Variants in FCHO2 observed in about 807,000 individuals in gnomAD.
FCHO2 encodes FCH and mu domain containing endocytic adaptor 2.
FCHO2 carries 43 observed loss-of-function variants against 114.1 expected under a neutral mutation model. The ratio of observed to expected loss-of-function variants is 0.38; its 90% CI spans 0.30 to 0.49. FCHO2 has a LOEUF of 0.49. FCHO2 is among the 20% of genes least tolerant of loss of function. The pLI is 0.97. For synonymous variants in FCHO2, 293 were observed against 315.2 expected (o/e 0.93, Z 0.75); for missense variants, 807 against 950.4 (o/e 0.85, Z 1.98).
chr5:73,024,463 G>A (rs1326875733), intron 8 of FCHO2, among the ~76,000 whole-genome samples: 3 of 151,068 alleles, frequency 2.0e-5, no homozygotes, highest in East Asian at 1.9e-4. Context: ...TTTTGGAGTC[G>A]GAGTCTCGCT....
rs181011804 is a variant in FCHO2 at position 72,986,487 on chromosome 5, C to T, written c.126-2940C>T. Reference sequence around the variant, plus strand: ...GGATACCCCCAAGGAAGAAGCTGCCCGACATACCTGACTGACTTGTCTGGA... The same window carrying T: ...GGATACCCCCAAGGAAGAAGCTGCCTGACATACCTGACTGACTTGTCTGGA... On this transcript the variant is annotated intron_variant, in intron 2 of 25. Transcript: ENST00000430046. Among the ~76,000 whole-genome samples the T allele has an allele frequency of 1.7e-3, 252 of 152,270 alleles. 1 individual carries two copies. The highest frequency in any genetic ancestry group is 5.9e-3 in the African/African-American group (245 of 41,572).
At chr5:73,060,636 G>A (rs375744517) in intron 17 of FCHO2, among the ~76,000 whole-genome samples, 30 of 152,002 alleles carry the variant, frequency 2.0e-4, no homozygotes, top group African/African-American at 6.5e-4. Context: ...TTTTAGCAAG[G>A]TCCAGGTTGT....
rs202185762 is a variant in FCHO2 at position 73,017,169 on chromosome 5, GAA to G, written c.700-42_700-41del. On this transcript the variant is annotated intron_variant, in intron 7 of 25. Transcript: ENST00000430046. ...GTAAGTTTTATCTGAAATACACTAA[GAA>G]TGTGGAAAAAGAAAAAGTTATCTTT... 13 of 1,135,132 alleles carry G rather than the reference GAA, an allele frequency of 1.1e-5. No homozygotes were observed. In the East Asian group the frequency reaches 3.3e-4, roughly 29 times the overall value. The allele number at this position is 1,135,132 out of a possible 1,614,324, so 70.3% of individuals were successfully genotyped here.
intron 5 of FCHO2, among the ~76,000 whole-genome samples, chr5:73,003,961 G>A (rs1442556515): frequency 6.7e-6 from 1 of 150,056 alleles, no homozygotes. Flanking sequence ...GGCAGGAGAA[G>A]CGCTTGAATC....
At chr5:73,057,646 A>G (rs1009048259) in intron 16 of FCHO2, among the ~76,000 whole-genome samples, 3 of 152,170 alleles carry the variant, frequency 2.0e-5, no homozygotes, top group Admixed American at 2.0e-4. Context: ...GAAAATAAGT[A>G]TGGCCTTATA....
intron 17 of FCHO2, among the ~76,000 whole-genome samples, chr5:73,058,795 G>T (rs1757718672): frequency 6.6e-6 from 1 of 151,996 alleles, no homozygotes; most frequent in Non-Finnish European, 1.5e-5. Context: ...AATTCTTAGT[G>T]TTTATAGATA....
intron 1 of FCHO2, among the ~76,000 whole-genome samples, chr5:72,962,870 C>G (rs1290748783): frequency 6.7e-6 from 1 of 150,208 alleles, no homozygotes; most frequent in African/African-American, 2.5e-5. Context: ...TCCAGTTGGG[C>G]GACAGAGCAA....
chr5:72,957,293 A>G (rs1357163292), intron 1 of FCHO2, among the ~76,000 whole-genome samples: 1 of 152,206 alleles, frequency 6.6e-6, no homozygotes, highest in Non-Finnish European at 1.5e-5. Context: ...TCATATGTTC[A>G]TAGAGTTGTG....
At chr5:73,033,798 G>A (rs940686167) in intron 8 of FCHO2, among the ~76,000 whole-genome samples, 24 of 152,048 alleles carry the variant, frequency 1.6e-4, no homozygotes, top group Admixed American at 1.4e-3. Flanking sequence ...TTCTCACACT[G>A]CCAAATAATT....
chr5:73,011,523 A>T (rs191778450), intron 6 of FCHO2, among the ~76,000 whole-genome samples: 12 of 152,214 alleles, frequency 7.9e-5, no homozygotes, highest in Admixed American at 7.8e-4. Flanking sequence ...CACAGTAAAC[A>T]TGTGCCTACA....
Position 73,090,291 on chromosome 5 carries a change from G to A in FCHO2, c.*2201G>A, listed in dbSNP as rs1476003644. On this transcript the variant is annotated 3_prime_UTR_variant, in exon 26 of 26. Coordinates refer to ENST00000430046, the MANE Select transcript of FCHO2 (RefSeq NM_138782.3). The stretch of plus-strand genomic sequence containing the variant: ...CAATGGGAAATGTACCTAGCAAGCT[G>A]GTTCTTGCTTATATATAGTGATAAA... The A allele has an allele frequency of 6.6e-6, 1 of 152,368 alleles. No individual in the cohort carries two copies. The highest frequency in any genetic ancestry group is 2.4e-5 in the African/African-American group (1 of 41,374). The allele number at this position is 152,368 out of a possible 1,614,324, so 9.4% of individuals were successfully genotyped here. A position where few individuals can be genotyped will look rare whatever the true frequency, so the allele number is the denominator to read the frequency against.
chr5:72,983,810 T>A (rs6860234), intron 2 of FCHO2, among the ~76,000 whole-genome samples: 1,920 of 152,206 alleles, frequency 0.013, 44 homozygotes, highest in African/African-American at 0.044. Flanking sequence ...CGGTTTTTTT[T>A]CTATTACCAA....
intron 2 of FCHO2, among the ~76,000 whole-genome samples, chr5:72,968,816 T>C (rs1261462887): frequency 6.6e-6 from 1 of 152,210 alleles, no homozygotes; most frequent in Non-Finnish European, 1.5e-5. Context: ...GGATTCCTTC[T>C]TGAAAATATT....
intron 10 of FCHO2, among the ~76,000 whole-genome samples, 153 bp from the exon 11 acceptor site, chr5:73,041,138 G>C (rs1320632111): frequency 6.6e-6 from 1 of 151,956 alleles, no homozygotes; most frequent in East Asian, 1.9e-4. Context: ...AAAATAATTT[G>C]GTATGTTTTA....
chr5:73,065,998 CTTTCTG>C (rs1195388981), intron 18 of FCHO2, among the ~76,000 whole-genome samples: 6 of 152,014 alleles, frequency 3.9e-5, no homozygotes, highest in Admixed American at 1.3e-4. Context: ...AGGTATTTGA[CTTTCTG>C]TTTCTGAGTT....
chr5:73,012,617 CAAAAAAAA>C (rs11358269), intron 6 of FCHO2, among the ~76,000 whole-genome samples: 2 of 92,512 alleles, frequency 2.2e-5, no homozygotes, highest in Admixed American at 2.4e-4. Context: ...GACTCCGTCT[CAAAAAAAA>C]AAAAAAAAAA....
intron 8 of FCHO2, among the ~76,000 whole-genome samples, chr5:73,026,268 G>A (rs751579136): frequency 9.2e-5 from 14 of 152,216 alleles, no homozygotes; most frequent in Middle Eastern, 3.4e-3. Flanking sequence ...TCAGGGGTTC[G>A]AGACCAGCCT....
chr5:72,971,271 G>A (rs1310522559), intron 2 of FCHO2, among the ~76,000 whole-genome samples: 6 of 151,840 alleles, frequency 4.0e-5, no homozygotes, highest in Non-Finnish European at 7.4e-5. Context: ...CTGAGGAATC[G>A]CCACACTGAC....
chr5:73,060,301 T>A (rs953011274), intron 17 of FCHO2, among the ~76,000 whole-genome samples: 3 of 152,020 alleles, frequency 2.0e-5, no homozygotes, highest in African/African-American at 7.2e-5. Flanking sequence ...AAAAGTAATG[T>A]TATAAATTTT....
Sources: allele counts gnomAD v4.1 joint callset (sites outside exome capture counted in the v4.1 genomes callset), GRCh38; gene constraint gnomAD v4.1.1; transcripts MANE v1.5; gene names NCBI Gene and HGNC (gene_info 2026-07-23, HGNC 2026-07-21).